The following DSG1 variants were observed in gnomAD, a reference collection of about 807,000 sequenced individuals.
DSG1 encodes desmoglein-1.
In DSG1, 39 loss-of-function variants were observed where a neutral mutation model predicts 97.5. That is an observed-to-expected ratio of 0.40 (90% CI 0.31 to 0.52). DSG1 has a LOEUF of 0.52. DSG1 is among the 20% of genes least tolerant of loss of function. The pLI is 0.53. For synonymous variants in DSG1, 475 were observed against 443.4 expected, an observed-to-expected ratio of 1.07 and a Z score of -0.90; for missense variants, 1,311 against 1,295.4, an observed-to-expected ratio of 1.01 and a Z score of -0.18.
rs1399824364 is a variant in DSG1 at position 31,351,408 on chromosome 18, A to G, written c.2101-2889A>G. On this transcript the variant is annotated intron_variant, in intron 14 of 14. Transcript: ENST00000257192. The stretch of plus-strand genomic sequence containing the variant: ...TTCCCAGTATGTGGTCAATTTTGGA[A>G]TAGGTGTGGTGTGGTGCTGAAAAAA... Among the ~76,000 whole-genome samples, 39 of 147,692 alleles carry G rather than the reference A, an allele frequency of 2.6e-4. 1 individual carries two copies. In the South Asian group the frequency reaches 8.5e-3, roughly 32 times the overall value.
At chr18:31,318,484 G>A in intron 1 of DSG1, 136 bp downstream of exon 1, 2 of 780,132 alleles carry the variant, frequency 2.6e-6, no homozygotes, top group Non-Finnish European at 4.5e-6. Context: ...ATGATTTTAT[G>A]AACTAGATTT....
chr18:31,353,630 G>C (rs925492857), intron 14 of DSG1, among the ~76,000 whole-genome samples: 20 of 152,118 alleles, frequency 1.3e-4, no homozygotes, highest in African/African-American at 4.8e-4. Context: ...AGACTCCGTG[G>C]GCGTAGGACC....
Position 31,328,237 on chromosome 18 carries a change from GGAGTAGGAATT to G in DSG1, c.268_278del (p.Val90SerfsTer10). The G allele has an allele frequency of 6.2e-7, 1 of 1,613,568 alleles. No individual in the cohort carries two copies. The highest frequency in any genetic ancestry group is 8.5e-7 in the Non-Finnish European group (1 of 1,179,608). On this transcript the variant is annotated frameshift_variant, in exon 4 of 15. Transcript: ENST00000257192. LOFTEE classifies it high-confidence loss of function. Reference sequence around the variant, plus strand: ...CCAGCAAGTTACATACCGCATCTCTGGAGTAGGAATTGATCAGCCACCATATGGGATCTTTG... The same window carrying G: ...CCAGCAAGTTACATACCGCATCTCTGGATCAGCCACCATATGGGATCTTTG...
rs1335590487 is a variant in DSG1, at chr18:31,338,519, A to G, written c.1405+65A>G. ...GCTGTATATACCTTAAGATATTAAC[A>G]TTTTAACTATCACATTTTGAAGTAA... On this transcript the variant is annotated intron_variant, in intron 10 of 14. Transcript: ENST00000257192. 6 of 1,552,214 alleles carry G rather than the reference A, an allele frequency of 3.9e-6. No individual in the cohort carries two copies. The Admixed American group carries it at 8.5e-5, about 22-fold the overall frequency.
At chr18:31,320,360 G>A (rs2071645846) in intron 1 of DSG1, among the ~76,000 whole-genome samples, 1 of 152,106 alleles carries the variant, frequency 6.6e-6, no homozygotes, top group Non-Finnish European at 1.5e-5. Flanking sequence ...ACCTGCATTA[G>A]GAAGCGTATT....
Position 31,357,916 on chromosome 18 carries a change from A to G in DSG1, c.*2570A>G, listed in dbSNP as rs1198096369. ...CCTAAATTTTAAAATTCCCTTTTCA[A>G]GACATCAACGATTTTAGTAGTTATT... On this transcript the variant is annotated 3_prime_UTR_variant, in exon 15 of 15. Coordinates refer to ENST00000257192, the MANE Select transcript of DSG1 (RefSeq NM_001942.4). Among the ~76,000 whole-genome samples the G allele has an allele frequency of 3.9e-5, 6 of 152,006 alleles. No homozygotes were observed. In the East Asian group the frequency reaches 1.2e-3, roughly 29 times the overall value.
chr18:31,338,282 A>C, intron 9 of DSG1, 33 bp from the exon 10 acceptor site: 1 of 1,607,796 alleles, frequency 6.2e-7, no homozygotes, highest in South Asian at 1.1e-5. Context: ...TAGATAGCTG[A>C]CATTAATTTG....
chr18:31,342,226 C>A (rs767720769), intron 11 of DSG1, among the ~76,000 whole-genome samples: 2 of 152,128 alleles, frequency 1.3e-5, no homozygotes, highest in Admixed American at 6.5e-5. Context: ...GCCACCGCGC[C>A]CGTCCTGAGT....
chr18:31,319,083 G>A (rs943598571), intron 1 of DSG1, among the ~76,000 whole-genome samples: 4 of 152,134 alleles, frequency 2.6e-5, no homozygotes, highest in African/African-American at 7.2e-5. Context: ...GCACTTGATC[G>A]TCTGACGAAT....
rs755194633 is a variant in DSG1 at position 31,336,453 on chromosome 18, G to A, written c.1105G>A (p.Ala369Thr). The A allele has an allele frequency of 1.2e-6, 2 of 1,613,928 alleles. No individual in the cohort carries two copies. Among genetic ancestry groups the A allele is most frequent in the Non-Finnish European group, 1.7e-6 (2 of 1,179,914 alleles). ...HSIMSQYKLKASAISVTVLNV... is the reference protein window; with the variant it reads ...HSIMSQYKLKTSAISVTVLNV... Reference sequence around the variant, plus strand: ...AATTATGTCTCAATATAAACTGAAAGCATCTGCAATTTCTGTGACTGTGTT... The same window carrying A: ...AATTATGTCTCAATATAAACTGAAAACATCTGCAATTTCTGTGACTGTGTT... The change falls in exon 9 of 15, where the codon GCA (alanine) becomes ACA (threonine). Residue 369 changes from alanine to threonine, a missense_variant. Ala to Thr is a moderately conservative substitution (Grantham distance 58). Around this residue, in one of 3 missense-constraint regions of DSG1, gnomAD observed 1,038 missense variants for 964.6 expected, o/e 1.08. Coordinates refer to ENST00000257192, the MANE Select transcript of DSG1 (RefSeq NM_001942.4).
At chr18:31,323,436 T>C (rs996578178) in intron 1 of DSG1, among the ~76,000 whole-genome samples, 2 of 152,200 alleles carry the variant, frequency 1.3e-5, no homozygotes, top group Non-Finnish European at 2.9e-5. Context: ...TGTCTTCCAA[T>C]TTCCCTTTCC....
At chr18:31,319,183 C>T (rs2071638644) in intron 1 of DSG1, among the ~76,000 whole-genome samples, 1 of 152,266 alleles carries the variant, frequency 6.6e-6, no homozygotes, top group African/African-American at 2.4e-5. Context: ...TGTATTATGT[C>T]AATTTCACTT....
chr18:31,321,338 T>G (rs1354114811), intron 1 of DSG1, among the ~76,000 whole-genome samples: 1 of 151,988 alleles, frequency 6.6e-6, no homozygotes, highest in African/African-American at 2.4e-5. Flanking sequence ...AACTAACAAA[T>G]TAGTACAGAC....
At chr18:31,337,350 G>A (rs34248946) in intron 9 of DSG1, among the ~76,000 whole-genome samples, 56,928 of 151,958 alleles carry the variant, frequency 0.37, 12,802 homozygotes, top group Non-Finnish European at 0.5. Context: ...TCTGCCTCCC[G>A]GGTTCACGCG....
chr18:31,332,232 G>A (rs115395583), intron 6 of DSG1, among the ~76,000 whole-genome samples: 87 of 152,192 alleles, frequency 5.7e-4, no homozygotes, highest in African/African-American at 2.0e-3. Context: ...ATATGTCCAC[G>A]TTTTGGTGAG....
At chr18:31,346,301 T>A in intron 14 of DSG1, 103 bp downstream of exon 14, 1 of 948,994 alleles carries the variant, frequency 1.1e-6, no homozygotes, top group Non-Finnish European at 1.7e-6. Context: ...GTCTCCTAAC[T>A]AGATTCTCAG....
Position 31,343,524 on chromosome 18 carries a change from G to A in DSG1, c.1762G>A (p.Glu588Lys), listed in dbSNP as rs200028630. 25 of 1,613,974 alleles carry A rather than the reference G, an allele frequency of 1.5e-5. No homozygotes were observed. The highest frequency in any genetic ancestry group is 6.7e-5 in the African/African-American group (5 of 74,898). ...TGCAGCTGGCTTTGAGCCTGTTCCC[G>A]AATGTTCAGATGGAGCAATTCATTC... The part of the protein sequence containing the change: ...RSAAGFEPVP[E>K]CSDGAIHSWA... The change falls in exon 12 of 15, where the codon GAA becomes AAA. Residue 588 changes from glutamate to lysine, a missense_variant. Physicochemically the swap from Glu to Lys is moderately conservative, Grantham distance 56. Coordinates refer to ENST00000257192, the MANE Select transcript of DSG1 (RefSeq NM_001942.4).
In DSG1 at chr18:31,331,300, A is replaced by T. The variant is rs151089008; in HGVS notation, c.518-401A>T. On this transcript the variant is annotated intron_variant, in intron 5 of 14. Coordinates refer to ENST00000257192, the MANE Select transcript of DSG1 (RefSeq NM_001942.4). ...TAAGGATGGCAGTAATATCATCCCC[A>T]TTTATAGATATAAAAATTGAGGCCA... 4.4e-3 allele frequency among the ~76,000 whole-genome samples: 668 copies of T among 152,240 alleles called. 5 individuals are homozygous for T. The highest frequency in any genetic ancestry group is 0.015 in the African/African-American group (637 of 41,566).
chr18:31,324,555 T>C (rs1221383025), intron 1 of DSG1, among the ~76,000 whole-genome samples: 1 of 152,202 alleles, frequency 6.6e-6, no homozygotes, highest in Admixed American at 6.5e-5. Context: ...TCAAACTCAA[T>C]GTGTTCTAAT....
Sources: gnomAD v4.1 joint callset for allele counts (sites outside exome capture counted in the v4.1 genomes callset) on GRCh38, gnomAD v4.1.1 for gene constraint, gnomAD v4.1.1 regional missense constraint, MANE v1.5 for transcripts, NCBI Gene and HGNC (gene_info 2026-07-23, HGNC 2026-07-21) for gene names.